The following PHKB variants were observed in gnomAD, a reference collection of about 807,000 sequenced individuals.
The protein encoded by PHKB is phosphorylase b kinase regulatory subunit beta.
A neutral mutation model predicts 152.1 loss-of-function variants in PHKB; 122 were observed. The ratio of observed to expected loss-of-function variants is 0.80; its 90% CI spans 0.69 to 0.93. The LOEUF (loss-of-function observed/expected upper bound fraction) is 0.93, where lower values mean the gene tolerates loss of function less well. Among genes scored for constraint, PHKB ranks in the 40% least tolerant of loss-of-function variants. The pLI, the probability that PHKB is intolerant of heterozygous loss-of-function variation, is 0.00. For synonymous variants in PHKB, 436 were observed against 464.9 expected (o/e 0.94, Z 0.80); for missense variants, 1,304 against 1,328.4 (o/e 0.98, Z 0.29).
intron 6 of PHKB, among the ~76,000 whole-genome samples, chr16:47,545,257 T>C (rs556860130): frequency 6.6e-5 from 10 of 152,316 alleles, no homozygotes; most frequent in African/African-American, 2.4e-4. Flanking sequence ...TGTTTAGTGC[T>C]TCCTTCAGGA....
intron 7 of PHKB, among the ~76,000 whole-genome samples, chr16:47,574,657 A>G (rs771418020): frequency 5.3e-5 from 8 of 152,188 alleles, no homozygotes; most frequent in Non-Finnish European, 1.0e-4. Context: ...ACATGACAAG[A>G]GAGGGAATAA....
At chr16:47,611,934 G>T (rs1328980301) in intron 14 of PHKB, among the ~76,000 whole-genome samples, 1 of 152,132 alleles carries the variant, frequency 6.6e-6, no homozygotes, top group Admixed American at 6.5e-5. Flanking sequence ...TTATGTAAGG[G>T]GGTATTTGGC....
intron 1 of PHKB, among the ~76,000 whole-genome samples, chr16:47,488,194 G>A (rs759473059): frequency 1.3e-5 from 2 of 151,992 alleles, no homozygotes; most frequent in Non-Finnish European, 2.9e-5. Flanking sequence ...TAATTTGTAA[G>A]GTTCAGCATT....
intron 6 of PHKB, among the ~76,000 whole-genome samples, chr16:47,525,935 C>T (rs1207960685): frequency 1.3e-5 from 2 of 152,134 alleles, no homozygotes; most frequent in African/African-American, 4.8e-5. Context: ...AATTTGAGTA[C>T]TTTCTGTGGC....
chr16:47,694,498 G>A (rs1341394316), intron 28 of PHKB, among the ~76,000 whole-genome samples: 1 of 152,186 alleles, frequency 6.6e-6, no homozygotes, highest in African/African-American at 2.4e-5. Context: ...AAGGAACTGT[G>A]TGAGTGGGAG....
intron 13 of PHKB, among the ~76,000 whole-genome samples, chr16:47,604,333 T>A (rs1972286745): frequency 1.3e-5 from 2 of 152,216 alleles, no homozygotes; most frequent in Non-Finnish European, 2.9e-5. Flanking sequence ...CACACTCAGA[T>A]CTACCAGTGT....
chr16:47,540,339 C>T (rs925198455), intron 6 of PHKB, among the ~76,000 whole-genome samples: 5 of 144,898 alleles, frequency 3.5e-5, no homozygotes, highest in African/African-American at 1.0e-4. Context: ...CAAGACAATA[C>T]GTGCACAGCT....
At chr16:47,675,961 T>C (rs1326663467) in intron 26 of PHKB, 2 of 152,164 alleles carry the variant, frequency 1.3e-5, no homozygotes, top group African/African-American at 4.8e-5. Context: ...AAAAAGATAC[T>C]TTTGTGTCTT....
At chr16:47,497,995 A>G (rs978002345) in intron 2 of PHKB, among the ~76,000 whole-genome samples, 1 of 152,164 alleles carries the variant, frequency 6.6e-6, no homozygotes, top group African/African-American at 2.4e-5. Flanking sequence ...CAATGTGAGT[A>G]AGCAACTTTC....
At chr16:47,613,502 CAT>C (rs1251131783) in intron 14 of PHKB, among the ~76,000 whole-genome samples, 1 of 152,210 alleles carries the variant, frequency 6.6e-6, no homozygotes, top group Admixed American at 6.5e-5. Context: ...CCATAAACCA[CAT>C]TGTTAGTGCC....
At chr16:47,684,662 G>A (rs1293480230) in intron 26 of PHKB, among the ~76,000 whole-genome samples, 4 of 152,100 alleles carry the variant, frequency 2.6e-5, no homozygotes, top group African/African-American at 7.2e-5. Flanking sequence ...AGCTACTCGG[G>A]AAGCTGAGGC....
chr16:47,541,216 A>G (rs1012063939), intron 6 of PHKB, among the ~76,000 whole-genome samples: 11 of 152,146 alleles, frequency 7.2e-5, no homozygotes, highest in Admixed American at 2.6e-4. Context: ...CTCATTGTTC[A>G]ATTCGCACCT....
chr16:47,602,754 C>T (rs971922058), intron 13 of PHKB, among the ~76,000 whole-genome samples: 1 of 152,096 alleles, frequency 6.6e-6, no homozygotes, highest in South Asian at 2.1e-4. Context: ...AGGAAATACA[C>T]ATAAAGCATT....
In PHKB at chr16:47,554,583, C is replaced by T. The variant is rs183279815; in HGVS notation, c.710+7035C>T. Among the ~76,000 whole-genome samples, 19 of 152,046 alleles carry T rather than the reference C, an allele frequency of 1.2e-4. No individual in the cohort carries two copies. The East Asian group carries it at 3.7e-3, about 29-fold the overall frequency. ...GGTGTATGAAAAAAATCTCCTGCAG[C>T]TAGCTCGGTGTCTTCCCAAATGGCC... On this transcript the variant is annotated intron_variant, in intron 7 of 30. Coordinates refer to ENST00000323584, the MANE Select transcript of PHKB (RefSeq NM_000293.3).
At chr16:47,491,292 T>G (rs1427403898) in intron 1 of PHKB, among the ~76,000 whole-genome samples, 1 of 152,230 alleles carries the variant, frequency 6.6e-6, no homozygotes, top group African/African-American at 2.4e-5. Flanking sequence ...TATGTCTATA[T>G]GTCAATTGCC....
intron 1 of PHKB, among the ~76,000 whole-genome samples, chr16:47,464,507 A>G (rs1246493163): frequency 6.6e-6 from 1 of 152,148 alleles, no homozygotes; most frequent in African/African-American, 2.4e-5. Flanking sequence ...AAGGGCTGGA[A>G]CAGATGTTGG....
chr16:47,660,714 A>G lies in PHKB; in HGVS notation c.2091A>G (p.Lys697=). 1 of 1,614,120 alleles carries G rather than the reference A, an allele frequency of 6.2e-7. No homozygotes were observed. The highest frequency in any genetic ancestry group is 8.5e-7 in the Non-Finnish European group (1 of 1,179,952). Residue 697 remains lysine, a synonymous_variant, in exon 22 of 31, where the codon AAA becomes AAG. Transcript: ENST00000323584. ...ELEPPKHSKV[K]RQSSTPSAPE... is the part of the protein sequence containing the mutation. ...AACCTCCCAAACATTCAAAAGTCAA[A>G]CGGCAAAGCAGCACCCCTAGTGCTC... is the stretch of plus-strand genomic sequence containing the variant.
chr16:47,465,209 A>G (rs1010667746), intron 1 of PHKB, among the ~76,000 whole-genome samples: 1 of 152,232 alleles, frequency 6.6e-6, no homozygotes, highest in Admixed American at 6.5e-5. Flanking sequence ...TCTTTGAACT[A>G]AAAGAACAGG....
At chr16:47,492,845 C>T (rs75881975) in intron 1 of PHKB, among the ~76,000 whole-genome samples, 9,141 of 152,222 alleles carry the variant, frequency 0.06, 534 homozygotes, top group African/African-American at 0.15. Flanking sequence ...TTAAGCCCCA[C>T]GTTGGGTGCT....
Sources: gnomAD v4.1 joint callset for allele counts (sites outside exome capture counted in the v4.1 genomes callset) on GRCh38, gnomAD v4.1.1 for gene constraint, MANE v1.5 for transcripts, NCBI Gene and HGNC (gene_info 2026-07-23, HGNC 2026-07-21) for gene names.